Variants in RGS6 observed in about 807,000 individuals in gnomAD.
The protein encoded by RGS6 is regulator of G-protein signaling 6.
Under a neutral mutation model 78.5 loss-of-function variants are expected in RGS6, and 30 were observed. The observed-to-expected ratio is 0.38, with a 90% CI of 0.29 to 0.52. The LOEUF (loss-of-function observed/expected upper bound fraction) is 0.52, where lower values mean the gene tolerates loss of function less well. RGS6 is among the 20% of genes least tolerant of loss of function. RGS6 has a pLI of 0.85. For synonymous variants in RGS6, 206 were observed against 206.0 expected (o/e 1.00, Z 0.00); for missense variants, 495 against 609.7 (o/e 0.81, Z 1.98).
intron 2 of RGS6, among the ~76,000 whole-genome samples, chr14:71,989,684 A>G (rs1326301606): frequency 1.3e-5 from 2 of 152,224 alleles, no homozygotes; most frequent in Non-Finnish European, 2.9e-5. Flanking sequence ...CTTTGGGAAT[A>G]GAGCTGCGTC....
chr14:72,396,547 G>C lies in RGS6; in HGVS notation c.184+44353G>C, dbSNP rs191157707. ...TTGCTGTGCAGAAGCTCTTTAGTCTGATTAGATCCCATTTGTCAATTTTGG... is the reference window on the plus strand; with the variant it reads ...TTGCTGTGCAGAAGCTCTTTAGTCTCATTAGATCCCATTTGTCAATTTTGG... On this transcript the variant is annotated intron_variant, in intron 3 of 17. Transcript: ENST00000553525. Among the ~76,000 whole-genome samples the C allele has an allele frequency of 3.7e-3, 563 of 151,862 alleles. 1 individual carries two copies. The highest frequency in any genetic ancestry group is 7.0e-3 in the Non-Finnish European group (478 of 67,996).
At chr14:72,061,776 G>A (rs2093909661) in intron 2 of RGS6, among the ~76,000 whole-genome samples, 2 of 152,136 alleles carry the variant, frequency 1.3e-5, no homozygotes. Context: ...TTGCTATGAT[G>A]GTGTCTATTA....
chr14:72,497,746 G>A (rs545346360), intron 13 of RGS6, among the ~76,000 whole-genome samples: 4 of 152,092 alleles, frequency 2.6e-5, no homozygotes, highest in Non-Finnish European at 2.9e-5. Context: ...TATATAGTAC[G>A]TATCTTCTTT....
At chr14:72,350,488 T>A (rs1254765604) in intron 2 of RGS6, among the ~76,000 whole-genome samples, 1 of 152,192 alleles carries the variant, frequency 6.6e-6, no homozygotes, top group African/African-American at 2.4e-5. Context: ...CCTTTGTGGT[T>A]GGGTGGTGCT....
At chr14:72,126,720 A>G (rs1173955740) in intron 2 of RGS6, among the ~76,000 whole-genome samples, 1 of 152,224 alleles carries the variant, frequency 6.6e-6, no homozygotes, top group Admixed American at 6.5e-5. Context: ...GGTCAACTGT[A>G]TGTAGCCAAT....
chr14:72,052,757 A>G lies in RGS6; in HGVS notation c.84+87882A>G, dbSNP rs529368607. Among the ~76,000 whole-genome samples the G allele has an allele frequency of 2.6e-5, 4 of 152,236 alleles. 1 individual carries two copies. In the South Asian group the frequency reaches 8.3e-4, roughly 32 times the overall value. On this transcript the variant is annotated intron_variant, in intron 2 of 17. Coordinates refer to ENST00000553525, the MANE Select transcript of RGS6 (RefSeq NM_001204424.2). ...CTTTACAATTGCTATCAGGTTTTGT[A>G]AGTAAGGAAGTGGAGGCATTTTTGT... is the stretch of plus-strand genomic sequence containing the variant.
intron 2 of RGS6, among the ~76,000 whole-genome samples, chr14:71,980,549 G>T (rs1424700329): frequency 6.6e-5 from 4 of 60,658 alleles, no homozygotes; most frequent in Admixed American, 1.6e-4. Flanking sequence ...ATGAAATTCT[G>T]GATTGAAAAT....
At chr14:72,417,375 C>G (rs2153086534) in intron 3 of RGS6, among the ~76,000 whole-genome samples, 1 of 152,314 alleles carries the variant, frequency 6.6e-6, no homozygotes, top group East Asian at 1.9e-4. Context: ...TGCCAGCCAG[C>G]CATGACAATT....
At chr14:72,512,869 C>T (rs563589321) in intron 14 of RGS6, among the ~76,000 whole-genome samples, 7 of 152,310 alleles carry the variant, frequency 4.6e-5, no homozygotes, top group Non-Finnish European at 7.3e-5. Context: ...ACAGGGCTGG[C>T]GGATTTAGAG....
chr14:72,577,167 T>A, the RGS6 span, among the ~76,000 whole-genome samples: 1 of 152,234 alleles, frequency 6.6e-6, no homozygotes, highest in African/African-American at 2.4e-5. Context: ...ATTGCCTTCA[T>A]TATAATCAGT....
Position 72,203,828 on chromosome 14 carries a change from T to C in RGS6, c.85-148267T>C, listed in dbSNP as rs984362241. 1.2e-3 allele frequency among the ~76,000 whole-genome samples: 174 copies of C among 147,410 alleles called. 2 individuals are homozygous for C. The highest frequency in any genetic ancestry group is 7.1e-4 in the Non-Finnish European group (47 of 66,518). On this transcript the variant is annotated intron_variant, in intron 2 of 17. Transcript: ENST00000553525. Reference sequence around the variant, plus strand: ...TGTAACCTTTCTTTCTTTCTTTTTTTTTTTTTTTTTTTTTGAGACAGAGTC... The same window carrying C: ...TGTAACCTTTCTTTCTTTCTTTTTTCTTTTTTTTTTTTTTGAGACAGAGTC...
chr14:71,989,889 C>T (rs991089107), intron 2 of RGS6, among the ~76,000 whole-genome samples: 58 of 151,694 alleles, frequency 3.8e-4, no homozygotes, highest in African/African-American at 1.2e-3. Flanking sequence ...ATTACCACAT[C>T]CATTGCTTGA....
At chr14:72,531,512 G>A (rs938370737) in intron 15 of RGS6, among the ~76,000 whole-genome samples, 12 of 151,650 alleles carry the variant, frequency 7.9e-5, no homozygotes, top group Non-Finnish European at 1.8e-4. Context: ...TCCCATTAGT[G>A]GGGTAACTCC....
chr14:72,265,560 G>T (rs1489020610), intron 2 of RGS6, among the ~76,000 whole-genome samples: 1 of 152,106 alleles, frequency 6.6e-6, no homozygotes, highest in Non-Finnish European at 1.5e-5. Flanking sequence ...GGTAGAGCTT[G>T]CAACCACCCC....
intron 2 of RGS6, among the ~76,000 whole-genome samples, chr14:72,108,149 C>T (rs1402897847): frequency 3.3e-5 from 5 of 152,076 alleles, no homozygotes; most frequent in African/African-American, 9.7e-5. Flanking sequence ...ACCTTGTGTT[C>T]TTACATGTTG....
intron 2 of RGS6, among the ~76,000 whole-genome samples, chr14:72,180,385 TAG>T (rs2097158744): frequency 6.6e-6 from 1 of 152,212 alleles, no homozygotes; most frequent in Non-Finnish European, 1.5e-5. Context: ...TGTAATTGAA[TAG>T]AATGGGAAAT....
the RGS6 span, among the ~76,000 whole-genome samples, chr14:71,921,689 G>A: frequency 6.6e-6 from 1 of 152,236 alleles, no homozygotes; most frequent in Non-Finnish European, 1.5e-5. Context: ...GAAGAATGGT[G>A]GTTGCCAGAG....
intron 1 of RGS6, among the ~76,000 whole-genome samples, chr14:71,934,021 C>T (rs1011981410): frequency 6.6e-6 from 1 of 152,076 alleles, no homozygotes; most frequent in African/African-American, 2.4e-5. Flanking sequence ...TTTTCATAGG[C>T]AAATAGGTAA....
At chr14:72,242,851 T>C (rs1341244735) in intron 2 of RGS6, among the ~76,000 whole-genome samples, 4 of 134,508 alleles carry the variant, frequency 3.0e-5, no homozygotes, top group East Asian at 2.2e-4. Context: ...TTTTTTTTTT[T>C]TTTTTTTTTT....
Sources: gnomAD v4.1 joint callset for allele counts (sites outside exome capture counted in the v4.1 genomes callset) on GRCh38, gnomAD v4.1.1 for gene constraint, MANE v1.5 for transcripts, NCBI Gene and HGNC (gene_info 2026-07-23, HGNC 2026-07-21) for gene names.